Variants in ARHGAP15 observed in about 807,000 individuals in gnomAD.
ARHGAP15 encodes the protein rho GTPase-activating protein 15.
ARHGAP15 carries 51 observed loss-of-function variants against 63.7 expected under a neutral mutation model. The ratio of observed to expected loss-of-function variants is 0.80; its 90% confidence interval spans 0.64 to 1.01. The LOEUF is 1.01. Ranked by LOEUF, ARHGAP15 falls within the 50% of genes least tolerant of loss-of-function variation. The probability of loss-of-function intolerance (pLI) is 0.00; values close to 1 mark genes in which losing one functional copy is unlikely to be tolerated. For synonymous variants in ARHGAP15, 191 were observed against 193.8 expected (o/e 0.99, Z 0.12); for missense variants, 560 against 564.6 (o/e 0.99, Z 0.08).
chr2:143,419,125 T>C (rs1462099125), intron 6 of ARHGAP15, among the ~76,000 whole-genome samples: 1 of 145,634 alleles, frequency 6.9e-6, no homozygotes, highest in Non-Finnish European at 1.5e-5. Context: ...TAAAAATGTG[T>C]AAGCACATTA....
At chr2:143,629,095 T>A (rs1380960575) in intron 12 of ARHGAP15, among the ~76,000 whole-genome samples, 1 of 152,108 alleles carries the variant, frequency 6.6e-6, no homozygotes, top group Non-Finnish European at 1.5e-5. Flanking sequence ...TCTGAATTAC[T>A]TTAATTTTTA....
At chr2:143,244,413 A>G (rs2104956689) in intron 5 of ARHGAP15, among the ~76,000 whole-genome samples, 1 of 152,276 alleles carries the variant, frequency 6.6e-6, no homozygotes, top group South Asian at 2.1e-4. Context: ...GGATATTTTT[A>G]TTTTTTTAAG....
chr2:143,245,538 C>A (rs1261081765), intron 5 of ARHGAP15, among the ~76,000 whole-genome samples: 2 of 151,420 alleles, frequency 1.3e-5, no homozygotes, highest in Non-Finnish European at 2.9e-5. Context: ...AGGAGAAGGA[C>A]AAATCTGGCA....
chr2:143,489,115 A>C (rs569259625), intron 9 of ARHGAP15, among the ~76,000 whole-genome samples: 184 of 152,292 alleles, frequency 1.2e-3, no homozygotes, highest in African/African-American at 4.2e-3. Context: ...ACTTTACATA[A>C]TGTCCGAGTT....
chr2:143,428,607 A>C (rs1231752998), intron 6 of ARHGAP15, among the ~76,000 whole-genome samples: 1 of 152,082 alleles, frequency 6.6e-6, no homozygotes, highest in East Asian at 1.9e-4. Context: ...TTTTCATAAT[A>C]ATATACATGA....
chr2:143,214,027 C>T (rs73962375), intron 3 of ARHGAP15, among the ~76,000 whole-genome samples: 4 of 152,288 alleles, frequency 2.6e-5, no homozygotes, highest in African/African-American at 7.2e-5. Flanking sequence ...GTTGATTTCT[C>T]CCTATAAGAG....
chr2:143,739,078 T>C (rs1237829797), intron 13 of ARHGAP15, among the ~76,000 whole-genome samples: 2 of 151,918 alleles, frequency 1.3e-5, no homozygotes, highest in African/African-American at 4.8e-5. Flanking sequence ...CAGCTGCTGG[T>C]TTTTAAGCAG....
At chr2:143,624,401 T>A in intron 12 of ARHGAP15, 134 bp downstream of exon 12, 1 of 1,082,608 alleles carries the variant, frequency 9.2e-7, no homozygotes, top group East Asian at 2.8e-5. Flanking sequence ...TCTTACGTTT[T>A]CGTTTTTGTG....
At chr2:143,255,791 A>C (rs1018833081) in intron 6 of ARHGAP15, among the ~76,000 whole-genome samples, 3 of 152,154 alleles carry the variant, frequency 2.0e-5, no homozygotes, top group Non-Finnish European at 4.4e-5. Flanking sequence ...TCATACATGC[A>C]TTAGATTTCC....
intron 8 of ARHGAP15, among the ~76,000 whole-genome samples, chr2:143,442,756 T>G (rs77361019): frequency 6.6e-6 from 1 of 150,618 alleles, no homozygotes; most frequent in East Asian, 1.9e-4. Flanking sequence ...TATTGTTTCA[T>G]TTTTTTTTGT....
rs902285240 is a variant in ARHGAP15, at chr2:143,409,151, T to C, written c.475-26450T>C. Among the ~76,000 whole-genome samples, 3 of 151,994 alleles carry C rather than the reference T, an allele frequency of 2.0e-5. No individual in the cohort carries two copies. In the East Asian group the frequency reaches 5.8e-4, roughly 29 times the overall value. ...CAGGTGCCACCATGTTAAGCAATTT[T>C]ATTATAGTTTCAGAGAAAAGCTAGC... On this transcript the variant is annotated intron_variant, in intron 6 of 13. Transcript: ENST00000295095.
chr2:143,271,488 C>A (rs112879687), intron 6 of ARHGAP15, among the ~76,000 whole-genome samples: 1 of 152,150 alleles, frequency 6.6e-6, no homozygotes, highest in African/African-American at 2.4e-5. Flanking sequence ...TGTTTGTTTG[C>A]TTGTTGAGAC....
intron 10 of ARHGAP15, among the ~76,000 whole-genome samples, chr2:143,526,594 C>A (rs1694292133): frequency 1.3e-5 from 2 of 152,122 alleles, no homozygotes; most frequent in African/African-American, 2.4e-5. Context: ...AGTTCTAGGA[C>A]TGGGAGTTTT....
At chr2:143,298,887 T>A (rs1682768046) in intron 6 of ARHGAP15, among the ~76,000 whole-genome samples, 1 of 151,980 alleles carries the variant, frequency 6.6e-6, no homozygotes, top group South Asian at 2.1e-4. Flanking sequence ...AGAATTTTTG[T>A]CCCCACTTTA....
intron 13 of ARHGAP15, among the ~76,000 whole-genome samples, chr2:143,750,371 G>A (rs1326757483): frequency 6.6e-6 from 1 of 152,144 alleles, no homozygotes; most frequent in Non-Finnish European, 1.5e-5. Flanking sequence ...AACCAGGGAG[G>A]CAGAGGTTGC....
intron 6 of ARHGAP15, among the ~76,000 whole-genome samples, chr2:143,370,259 A>G (rs1686488574): frequency 6.6e-6 from 1 of 151,862 alleles, no homozygotes; most frequent in Non-Finnish European, 1.5e-5. Context: ...TCAATTACAT[A>G]CTTAAGATCC....
At chr2:143,650,374 G>A (rs182193048) in intron 12 of ARHGAP15, among the ~76,000 whole-genome samples, 5 of 151,962 alleles carry the variant, frequency 3.3e-5, no homozygotes, top group South Asian at 2.1e-4. Context: ...AACAAGTCAC[G>A]TGTCCGCTCA....
intron 12 of ARHGAP15, among the ~76,000 whole-genome samples, chr2:143,648,547 C>G (rs922533135): frequency 6.6e-6 from 1 of 151,972 alleles, no homozygotes; most frequent in Non-Finnish European, 1.5e-5. Flanking sequence ...CTGTTCATGT[C>G]TACTAAATCC....
chr2:143,626,867 C>T (rs1698856660), intron 12 of ARHGAP15, among the ~76,000 whole-genome samples: 1 of 152,104 alleles, frequency 6.6e-6, no homozygotes, highest in South Asian at 2.1e-4. Flanking sequence ...AAGTTTGTTT[C>T]CCATCAAAAT....
Sources: allele counts gnomAD v4.1 joint callset (sites outside exome capture counted in the v4.1 genomes callset), GRCh38; gene constraint gnomAD v4.1.1; transcripts MANE v1.5; gene names NCBI Gene and HGNC (gene_info 2026-07-23, HGNC 2026-07-21).